HELLS: variants seen among roughly 807,000 people sequenced by gnomAD.
The protein encoded by HELLS is lymphoid-specific helicase.
In HELLS, 32 loss-of-function variants were observed where a neutral mutation model predicts 120.0. The ratio of observed to expected loss-of-function variants is 0.27; its 90% confidence interval spans 0.20 to 0.36. The LOEUF (loss-of-function observed/expected upper bound fraction) is 0.36. Among genes scored for constraint, HELLS ranks in the 10% least tolerant of loss-of-function variants. The pLI is 1.00. For synonymous variants in HELLS, 341 were observed against 323.4 expected, an observed-to-expected ratio of 1.05 and a Z score of -0.58; for missense variants, 650 against 993.4, an observed-to-expected ratio of 0.65 and a Z score of 4.65.
chr10:94,562,161 G>A (rs1300043184), intron 4 of HELLS, among the ~76,000 whole-genome samples: 4 of 151,774 alleles, frequency 2.6e-5, no homozygotes, highest in Admixed American at 2.6e-4. Flanking sequence ...CCCAGCACTT[G>A]GGGAGGCCTA....
chr10:94,555,205 G>A (rs527814506), intron 3 of HELLS, among the ~76,000 whole-genome samples: 1 of 152,300 alleles, frequency 6.6e-6, no homozygotes, highest in South Asian at 2.1e-4. Context: ...GGGAGGCCAA[G>A]GCAGACAGAT....
chr10:94,603,863 T>G (rs866577334), downstream of HELLS, among the ~76,000 whole-genome samples: 1 of 152,128 alleles, frequency 6.6e-6, no homozygotes, highest in African/African-American at 2.4e-5. Context: ...AGTCTCGCAC[T>G]GTCGCCCAGG....
At chr10:94,580,158 T>C (rs1183714840) in intron 10 of HELLS, among the ~76,000 whole-genome samples, 60 of 75,110 alleles carry the variant, frequency 8.0e-4, no homozygotes, top group African/African-American at 2.9e-3. Context: ...TATATATATA[T>C]ATATACACAC....
chr10:94,598,570 G>A (rs1036572930), intron 21 of HELLS, among the ~76,000 whole-genome samples: 1 of 145,026 alleles, frequency 6.9e-6, no homozygotes, highest in African/African-American at 2.5e-5. Flanking sequence ...TCAATTCTGT[G>A]TCTTATTGAA....
At chr10:94,562,219 G>A (rs1445751237) in intron 4 of HELLS, among the ~76,000 whole-genome samples, 3 of 151,936 alleles carry the variant, frequency 2.0e-5, no homozygotes, top group African/African-American at 7.2e-5. Flanking sequence ...GCTGGCCAAC[G>A]TGGTGAAACC....
At chr10:94,593,971 ATT>A (rs904284453) in intron 18 of HELLS, among the ~76,000 whole-genome samples, 120 of 122,296 alleles carry the variant, frequency 9.8e-4, no homozygotes, top group African/African-American at 3.2e-3. Flanking sequence ...TCCATTCTGA[ATT>A]TTTTTTTTTT....
Position 94,554,644 on chromosome 10 carries a change from G to GTTTT in HELLS, c.276+404_276+407dup, listed in dbSNP as rs199878580. Among the ~76,000 whole-genome samples, 10 of 103,088 alleles carry GTTTT rather than the reference G, an allele frequency of 9.7e-5. 1 individual carries two copies. The highest frequency in any genetic ancestry group is 1.9e-4 in the Admixed American group (2 of 10,426). The allele number at this position is 103,088 out of a possible 152,430, so 67.6% of individuals were successfully genotyped here. A position where few individuals can be genotyped will look rare whatever the true frequency, so the allele number is the denominator to read the frequency against. On this transcript the variant is annotated intron_variant, in intron 3 of 21. Transcript: ENST00000348459. ...TCCTTGGAATCTTCAAAGTAATAGT[G>GTTTT]TTTTTTTTTTTGTTTTTTTTTTTTT... is the stretch of plus-strand genomic sequence containing the variant.
intron 2 of HELLS, among the ~76,000 whole-genome samples, 193 bp from the exon 3 acceptor site, chr10:94,553,933 C>T (rs373175213): frequency 4.6e-5 from 7 of 152,004 alleles, no homozygotes; most frequent in East Asian, 3.9e-4. Context: ...TTTTGATATA[C>T]GAATTGCATC....
chr10:94,591,336 G>C (rs1467896465), intron 15 of HELLS, among the ~76,000 whole-genome samples: 7 of 152,166 alleles, frequency 4.6e-5, no homozygotes, highest in African/African-American at 1.7e-4. Flanking sequence ...GGTAGCCATA[G>C]AATAAAACCA....
rs77176332 is a variant in HELLS, at chr10:94,594,724, T to C, written c.2118T>C (p.Asp706=). 6.1e-4 allele frequency: 986 copies of C among 1,613,872 alleles called. 5 individuals carry two copies. The African/African-American group carries it at 0.012, about 19-fold the overall frequency. Residue 706 remains aspartate (D), a synonymous_variant, in exon 19 of 22, where the codon GAT becomes GAC. Coordinates refer to ENST00000348459, the MANE Select transcript of HELLS (RefSeq NM_018063.5). ...WNPQSDLQAQ[D]RCHRIGQTKP... is the part of the protein sequence containing the mutation. Reference sequence around the variant, plus strand: ...CCCAGTCGGATCTTCAGGCCCAGGATAGATGTCATAGAATTGGTCAGACAA... The same window carrying C: ...CCCAGTCGGATCTTCAGGCCCAGGACAGATGTCATAGAATTGGTCAGACAA...
chr10:94,582,270 G>A (rs1251883092), intron 11 of HELLS, among the ~76,000 whole-genome samples: 5 of 152,096 alleles, frequency 3.3e-5, no homozygotes, highest in Non-Finnish European at 7.4e-5. Context: ...GACTCTGGGC[G>A]CTTTTATTGA....
rs967920934 is a variant in HELLS, at chr10:94,592,416, A to G, written c.1873A>G (p.Thr625Ala). 6 of 1,582,964 alleles carry G rather than the reference A, an allele frequency of 3.8e-6. No homozygotes were observed. Among genetic ancestry groups the G allele is most frequent in the Non-Finnish European group, 5.1e-6 (6 of 1,168,926 alleles). Residue 625 changes from threonine to alanine, a missense_variant, in exon 17 of 22, where the codon ACA becomes GCA. Coordinates refer to ENST00000348459, the MANE Select transcript of HELLS (RefSeq NM_018063.5). ...GHKVLLFSQM[T>A]SMLDILMDYC... is the part of the protein sequence containing the mutation. The stretch of plus-strand genomic sequence containing the variant: ...TCAGGTGCTGCTTTTTTCACAAATG[A>G]CAAGCATGTTGGACATTTTGATGGA...
chr10:94,588,142 T>G, intron 12 of HELLS, 87 bp from the exon 13 acceptor site: 1 of 631,104 alleles, frequency 1.6e-6, no homozygotes, highest in East Asian at 3.1e-5. Context: ...AGTCAAAAGA[T>G]AAGGTAAAGG....
At chr10:94,605,609 C>A (rs897351807), downstream of HELLS, among the ~76,000 whole-genome samples, 21 of 148,652 alleles carry the variant, frequency 1.4e-4, no homozygotes, top group African/African-American at 5.2e-4. Context: ...TGTCTCAGAA[C>A]TTCCAGTGTT....
chr10:94,561,017 C>T (rs953540289), intron 4 of HELLS, among the ~76,000 whole-genome samples: 14 of 150,958 alleles, frequency 9.3e-5, no homozygotes, highest in African/African-American at 3.4e-4. Context: ...GATCATGCTA[C>T]TGGACTCCAG....
rs532335864 is a variant in HELLS at position 94,601,942 on chromosome 10, C to G, written c.*320C>G. 1.2e-5 allele frequency: 2 copies of G among 170,370 alleles called. No individual in the cohort carries two copies. The highest frequency in any genetic ancestry group is 2.4e-5 in the African/African-American group (1 of 41,752). 10.6% of individuals were successfully genotyped at this position (170,370 alleles called of 1,614,324 possible). On this transcript the variant is annotated 3_prime_UTR_variant, in exon 22 of 22. Transcript: ENST00000348459. ...TAAATGTCTTTTTCCCTCCTTTCTT[C>G]TAGTAATGCAGTTCATGGGCTTTAG...
intron 4 of HELLS, among the ~76,000 whole-genome samples, chr10:94,559,586 C>T (rs1395123899): frequency 1.3e-5 from 2 of 151,966 alleles, no homozygotes; most frequent in African/African-American, 4.8e-5. Flanking sequence ...GCTGGGACTA[C>T]AGGTGCGCGC....
At chr10:94,613,549 A>G (rs1846215119) in exon 10 of HELLS, 3 of 152,194 alleles carry the variant, frequency 2.0e-5, no homozygotes, top group East Asian at 1.9e-4. Flanking sequence ...TAAATGCTTT[A>G]TTAGACTTTT....
At chr10:94,573,631 T>A (rs1172311404) in intron 7 of HELLS, among the ~76,000 whole-genome samples, 1 of 151,792 alleles carries the variant, frequency 6.6e-6, no homozygotes, top group Non-Finnish European at 1.5e-5. Context: ...CCCAGCTAAT[T>A]TTTTGTATTT....
Sources: allele counts gnomAD v4.1 joint callset (sites outside exome capture counted in the v4.1 genomes callset), GRCh38; gene constraint gnomAD v4.1.1; transcripts MANE v1.5; gene names NCBI Gene and HGNC (gene_info 2026-07-23, HGNC 2026-07-21).